Variants in NRG3 observed in about 807,000 individuals in gnomAD.
NRG3 encodes neuregulin 3, also known as pro-neuregulin-3, membrane-bound isoform.
A neutral mutation model predicts 66.9 loss-of-function variants in NRG3; 31 were observed. That is an observed-to-expected ratio of 0.46 (90% CI 0.35 to 0.63). NRG3 has a LOEUF of 0.63. Among genes scored for constraint, NRG3 ranks in the 20% least tolerant of loss-of-function variants. NRG3 has a pLI of 0.00. For missense variants in NRG3, 910 were observed against 878.9 expected (o/e 1.04, Z -0.45); for synonymous variants, 393 against 359.4 (o/e 1.09, Z -1.06).
At position 82,869,566 on chromosome 10, in the gene NRG3, T is replaced by A. The variant is rs138789834; in HGVS notation, c.1054+4129T>A. On this transcript the variant is annotated intron_variant, in intron 4 of 8. Coordinates refer to ENST00000372141, the MANE Select transcript of NRG3 (RefSeq NM_001010848.4). ...CCTTTCCCCAACCACTGGTCTTTTTTATTTATTTTATTTTATTTTATTTTA... is the reference window on the plus strand; with the variant it reads ...CCTTTCCCCAACCACTGGTCTTTTTAATTTATTTTATTTTATTTTATTTTA... 6.0e-5 allele frequency among the ~76,000 whole-genome samples: 6 copies of A among 100,530 alleles called. No homozygotes were observed. The East Asian group carries it at 1.7e-3, about 29-fold the overall frequency. The allele number at this position is 100,530 out of a possible 152,430, so 66.0% of individuals were successfully genotyped here.
intron 2 of NRG3, among the ~76,000 whole-genome samples, chr10:82,591,713 T>C (rs2046993447): frequency 6.6e-6 from 1 of 152,316 alleles, no homozygotes; most frequent in African/African-American, 2.4e-5. Flanking sequence ...AAAGTACAAC[T>C]CACAAAAACC....
At chr10:82,288,213 T>C (rs987990629) in intron 1 of NRG3, among the ~76,000 whole-genome samples, 26 of 152,172 alleles carry the variant, frequency 1.7e-4, no homozygotes, top group Admixed American at 1.7e-3. Context: ...GAAAATAATT[T>C]TACTGTTTAT....
intron 1 of NRG3, among the ~76,000 whole-genome samples, chr10:82,343,957 C>T (rs969820857): frequency 2.0e-5 from 3 of 152,110 alleles, no homozygotes; most frequent in African/African-American, 7.2e-5. Flanking sequence ...ATATTTTGAA[C>T]ATCACATCCA....
At chr10:82,128,817 T>G (rs937550274) in intron 1 of NRG3, among the ~76,000 whole-genome samples, 2 of 151,976 alleles carry the variant, frequency 1.3e-5, no homozygotes, top group Non-Finnish European at 2.9e-5. Flanking sequence ...CCACTTTGAG[T>G]TTACAATTAG....
intron 1 of NRG3, among the ~76,000 whole-genome samples, chr10:82,157,091 G>A (rs1275126209): frequency 6.6e-6 from 1 of 151,368 alleles, no homozygotes; most frequent in African/African-American, 2.4e-5. Context: ...ATTGGCTTTG[G>A]GTATCTTTGA....
chr10:82,638,784 C>A (rs982191150), intron 2 of NRG3, among the ~76,000 whole-genome samples: 12 of 152,020 alleles, frequency 7.9e-5, no homozygotes, highest in African/African-American at 2.9e-4. Context: ...GTAGCTGGGA[C>A]TACAGGCACG....
chr10:82,139,501 T>C (rs1423485065), intron 1 of NRG3, among the ~76,000 whole-genome samples: 1 of 152,200 alleles, frequency 6.6e-6, no homozygotes, highest in Admixed American at 6.5e-5. Flanking sequence ...TTAATTGTAC[T>C]GAACTGACTA....
Position 82,460,528 on chromosome 10 carries a change from T to C in NRG3, c.953+101660T>C, listed in dbSNP as rs980438153. On this transcript the variant is annotated intron_variant, in intron 2 of 8. Transcript: ENST00000372141. ...TGCTACTTAATTTGCTCTGTTTTGA[T>C]CTCTGTCTTTCATGCAACTCTCTAT... Among the ~76,000 whole-genome samples the C allele has an allele frequency of 9.2e-5, 14 of 152,310 alleles. 1 individual carries two copies. Among genetic ancestry groups the C allele is most frequent in the Admixed American group, 7.2e-4 (11 of 15,292 alleles).
intron 2 of NRG3, among the ~76,000 whole-genome samples, chr10:82,486,989 T>C (rs1337694726): frequency 6.6e-6 from 1 of 151,602 alleles, no homozygotes; most frequent in Non-Finnish European, 1.5e-5. Context: ...CTGTAAACCA[T>C]TGTGCTTATA....
chr10:82,483,983 A>G (rs184726082), intron 2 of NRG3, among the ~76,000 whole-genome samples: 1 of 152,392 alleles, frequency 6.6e-6, no homozygotes, highest in Admixed American at 6.5e-5. Context: ...AAATGTAATT[A>G]TAGTTCAAAC....
intron 1 of NRG3, among the ~76,000 whole-genome samples, chr10:82,170,809 G>C (rs1301066954): frequency 1.3e-5 from 2 of 150,120 alleles, no homozygotes; most frequent in Non-Finnish European, 3.0e-5. Flanking sequence ...AGTTTTGATA[G>C]TATTGTGAGT....
At chr10:82,624,006 G>A (rs1218622420) in intron 2 of NRG3, among the ~76,000 whole-genome samples, 1 of 152,060 alleles carries the variant, frequency 6.6e-6, no homozygotes, top group Non-Finnish European at 1.5e-5. Context: ...GCCATAGAAA[G>A]CATGCTAAAT....
rs190273526 is a variant in NRG3 at position 82,445,005 on chromosome 10, T to G, written c.953+86137T>G. 2.0e-5 allele frequency among the ~76,000 whole-genome samples: 3 copies of G among 152,340 alleles called. No individual in the cohort carries two copies. The East Asian group carries it at 5.8e-4, about 29-fold the overall frequency. ...AAGGAAAATAAGGTTTAATTTAGTT[T>G]CAAAAGCCATGCTACAGAGACAGTT... On this transcript the variant is annotated intron_variant, in intron 2 of 8. Coordinates refer to ENST00000372141, the MANE Select transcript of NRG3 (RefSeq NM_001010848.4).
At chr10:82,040,251 G>A (rs1187074401) in intron 1 of NRG3, among the ~76,000 whole-genome samples, 3 of 151,922 alleles carry the variant, frequency 2.0e-5, no homozygotes, top group Non-Finnish European at 2.9e-5. Context: ...ATCCAATGGA[G>A]GAACTTTCAG....
rs182448421 is a variant in NRG3, at chr10:82,063,425, A to G, written c.823+187262A>G. Among the ~76,000 whole-genome samples the G allele has an allele frequency of 1.9e-3, 296 of 152,250 alleles. 3 individuals are homozygous for G. The highest frequency in any genetic ancestry group is 5.6e-4 in the Non-Finnish European group (38 of 68,030). ...GAGAAAGTATAAACATATTTTTAAC[A>G]TAACTCTGCTGTTCTACTGATAAAC... On this transcript the variant is annotated intron_variant, in intron 1 of 8. Transcript: ENST00000372141.
intron 2 of NRG3, among the ~76,000 whole-genome samples, chr10:82,456,295 A>T (rs1272993815): frequency 4.6e-5 from 7 of 151,928 alleles, no homozygotes. Context: ...ATGTGCTACA[A>T]CAACTGGCTA....
chr10:82,001,675 T>C (rs961203796), intron 1 of NRG3, among the ~76,000 whole-genome samples: 1 of 152,188 alleles, frequency 6.6e-6, no homozygotes, highest in African/African-American at 2.4e-5. Flanking sequence ...GTCTTGTTTT[T>C]TAAACTTGGA....
chr10:82,463,425 G>GGA (rs2091614760), intron 2 of NRG3, among the ~76,000 whole-genome samples: 1 of 152,138 alleles, frequency 6.6e-6, no homozygotes, highest in Admixed American at 6.5e-5. Context: ...ACTGATGTTG[G>GGA]GAAACCATAT....
intron 4 of NRG3, among the ~76,000 whole-genome samples, chr10:82,927,351 G>T (rs1847104821): frequency 6.6e-6 from 1 of 152,042 alleles, no homozygotes; most frequent in African/African-American, 2.4e-5. Context: ...TTTATTTATG[G>T]AATGTATTTT....
Sources: allele counts gnomAD v4.1 joint callset (sites outside exome capture counted in the v4.1 genomes callset), GRCh38; gene constraint gnomAD v4.1.1; transcripts MANE v1.5; gene names NCBI Gene and HGNC (gene_info 2026-07-23, HGNC 2026-07-21).